Variants in ARRB1 observed in about 807,000 individuals in gnomAD.
The protein encoded by ARRB1 is arrestin beta 1.
In ARRB1, 21 loss-of-function variants were observed where a neutral mutation model predicts 56.8. The observed-to-expected ratio is 0.37, with a 90% CI of 0.26 to 0.53. ARRB1 has a LOEUF of 0.53. ARRB1 is among the 20% of genes least tolerant of loss of function. ARRB1 has a pLI of 0.88. For synonymous variants in ARRB1, 210 were observed against 218.6 expected (o/e 0.96, Z 0.35); for missense variants, 424 against 553.7 (o/e 0.77, Z 2.35).
intron 1 of ARRB1, among the ~76,000 whole-genome samples, chr11:75,298,463 T>C (rs1469004015): frequency 6.6e-6 from 1 of 152,188 alleles, no homozygotes; most frequent in East Asian, 1.9e-4. Context: ...TTCAGCATCA[T>C]CAGTCATCAG....
chr11:75,348,181 C>T (rs1947800689), intron 1 of ARRB1, among the ~76,000 whole-genome samples: 1 of 152,214 alleles, frequency 6.6e-6, no homozygotes. Flanking sequence ...CATCCCCAGC[C>T]CAGGCCCCAG....
chr11:75,274,175 G>T lies in ARRB1; in HGVS notation c.813C>A (p.Val271=). The T allele has an allele frequency of 6.2e-7, 1 of 1,614,212 alleles. No homozygotes were observed. Among genetic ancestry groups the T allele is most frequent in the Non-Finnish European group, 8.5e-7 (1 of 1,180,032 alleles). Residue 271 remains valine (V), a synonymous_variant, in exon 11 of 16, where the codon GTC becomes GTA. Transcript: ENST00000420843. ...TVAPSSTFCK[V]YTLTPFLANN... ...TGGCTAGGAAGGGGGTCAGTGTGTA[G>T]ACCTTGCAGAACGTCGAGCTGGGTG... is the stretch of plus-strand genomic sequence containing the variant.
At chr11:75,300,126 C>T (rs1227274540) in intron 1 of ARRB1, among the ~76,000 whole-genome samples, 1 of 149,356 alleles carries the variant, frequency 6.7e-6, no homozygotes, top group Admixed American at 6.8e-5. Flanking sequence ...AAACACTGAA[C>T]CCAGGAGGCG....
At position 75,261,849 on chromosome 11, in the gene ARRB1, T is replaced by TA. The variant is rs1025975728; in HGVS notation, c.*4313dup. 2.0e-5 allele frequency: 3 copies of TA among 152,202 alleles called. No individual in the cohort carries two copies. The highest frequency in any genetic ancestry group is 4.8e-5 in the African/African-American group (2 of 41,442). 9.4% of individuals were successfully genotyped at this position (152,202 alleles called of 1,614,324 possible). ...AGGAGTGTTTTGGTCCTTTTGAGTTTAAAAAATTATAGATATCAGAACAGG... is the reference window on the plus strand; with the variant it reads ...AGGAGTGTTTTGGTCCTTTTGAGTTTAAAAAAATTATAGATATCAGAACAGG... On this transcript the variant is annotated 3_prime_UTR_variant, in exon 16 of 16. Coordinates refer to ENST00000420843, the MANE Select transcript of ARRB1 (RefSeq NM_004041.5).
chr11:75,349,369 C>T (rs141764634), intron 1 of ARRB1, among the ~76,000 whole-genome samples: 6 of 152,324 alleles, frequency 3.9e-5, no homozygotes, highest in Admixed American at 6.5e-5. Context: ...AAAGTAAAGG[C>T]AATTGCCCAA....
chr11:75,268,396 T>A (rs750194872), intron 14 of ARRB1, among the ~76,000 whole-genome samples: 11 of 150,502 alleles, frequency 7.3e-5, no homozygotes, highest in Non-Finnish European at 1.5e-4. Flanking sequence ...TCTCAGCTAC[T>A]CGGGAGGCTG....
chr11:75,310,203 G>A (rs745795862), intron 1 of ARRB1, among the ~76,000 whole-genome samples: 1 of 152,180 alleles, frequency 6.6e-6, no homozygotes, highest in Admixed American at 6.5e-5. Context: ...TTTGGACATG[G>A]CATCTTACCT....
chr11:75,321,267 C>G (rs1327243194), intron 1 of ARRB1, among the ~76,000 whole-genome samples: 1 of 144,222 alleles, frequency 6.9e-6, no homozygotes, highest in Admixed American at 6.9e-5. Flanking sequence ...TCCTGCTCAC[C>G]CCCCCCCACC....
intron 10 of ARRB1, among the ~76,000 whole-genome samples, chr11:75,275,774 A>G (rs903117769): frequency 3.3e-5 from 5 of 151,980 alleles, no homozygotes; most frequent in Non-Finnish European, 7.4e-5. Flanking sequence ...GGCAGCAGCA[A>G]CCCCAGCCCC....
intron 11 of ARRB1, 25 bp from the exon 12 acceptor site, chr11:75,273,003 G>C (rs1379562619): frequency 1.2e-6 from 2 of 1,610,510 alleles, no homozygotes; most frequent in Non-Finnish European, 1.7e-6. Flanking sequence ...AGGGGAGCCA[G>C]TTCAGGGGCC....
chr11:75,342,105 G>A (rs1053917114), intron 1 of ARRB1, among the ~76,000 whole-genome samples: 1 of 152,200 alleles, frequency 6.6e-6, no homozygotes, highest in African/African-American at 2.4e-5. Context: ...GCAGCACAGG[G>A]ACAGTGAAGA....
intron 12 of ARRB1, 173 bp downstream of exon 12, chr11:75,272,722 C>CG: frequency 1.6e-6 from 1 of 606,484 alleles, no homozygotes; most frequent in African/African-American, 1.9e-5. Flanking sequence ...AGAGGGAAAG[C>CG]GGGCGGGGGA....
chr11:75,293,006 C>T (rs978701762), intron 1 of ARRB1, among the ~76,000 whole-genome samples: 11 of 151,912 alleles, frequency 7.2e-5, no homozygotes, highest in Non-Finnish European at 1.3e-4. Context: ...TTTCCTAAAC[C>T]GGGTGTTTTC....
At chr11:75,287,239 G>C (rs1946502204) in intron 3 of ARRB1, 76 bp downstream of exon 3, 1 of 1,465,686 alleles carries the variant, frequency 6.8e-7, no homozygotes, top group Non-Finnish European at 9.2e-7. Flanking sequence ...CCCCTCTGGA[G>C]AGCTGAGAGC....
At position 75,274,196 on chromosome 11, in the gene ARRB1, G is replaced by C; in HGVS notation, c.792C>G (p.Pro264=). Residue 264 remains proline (P), a synonymous_variant, in exon 11 of 16, where the codon CCC becomes CCG. Coordinates refer to ENST00000420843, the MANE Select transcript of ARRB1 (RefSeq NM_004041.5). ...TGTAGACCTTGCAGAACGTCGAGCT[G>C]GGTGCCACAGTGTCACTGGGAAGAA... The part of the protein sequence containing the change: ...AMEEADDTVA[P]SSTFCKVYTL... 1 of 1,614,070 alleles carries C rather than the reference G, an allele frequency of 6.2e-7. No homozygotes were observed. Among genetic ancestry groups the C allele is most frequent in the Non-Finnish European group, 8.5e-7 (1 of 1,179,972 alleles).
chr11:75,273,299 A>C (rs1946113190), intron 11 of ARRB1, among the ~76,000 whole-genome samples: 1 of 151,980 alleles, frequency 6.6e-6, no homozygotes, highest in South Asian at 2.1e-4. Flanking sequence ...TTCTCTCAGC[A>C]ACCCATGGGC....
At chr11:75,280,963 G>T in intron 7 of ARRB1, 112 bp downstream of exon 7, 1 of 1,278,262 alleles carries the variant, frequency 7.8e-7, no homozygotes, top group Non-Finnish European at 1.1e-6. Context: ...GCTGGAATGT[G>T]CGCCCCTCCT....
At chr11:75,296,736 G>A (rs1047586866) in intron 1 of ARRB1, among the ~76,000 whole-genome samples, 14 of 151,808 alleles carry the variant, frequency 9.2e-5, no homozygotes, top group East Asian at 5.8e-4. Flanking sequence ...GGAGTACAGC[G>A]GCACCAGCGA....
rs927373867 is a variant in ARRB1, at chr11:75,263,368, G to A, written c.*2795C>T. On this transcript the variant is annotated 3_prime_UTR_variant, in exon 16 of 16. Transcript: ENST00000420843. ...AAACACTTTGGCCTGTGTGTCCCTC[G>A]AGGCTGCAGCGTATGGCCGTGCAGC... Among the ~76,000 whole-genome samples, 19 of 152,200 alleles carry A rather than the reference G, an allele frequency of 1.2e-4. No homozygotes were observed. The highest frequency in any genetic ancestry group is 3.6e-4 in the African/African-American group (15 of 41,438).
Sources: gnomAD v4.1 joint callset for allele counts (sites outside exome capture counted in the v4.1 genomes callset) on GRCh38, gnomAD v4.1.1 for gene constraint, MANE v1.5 for transcripts, NCBI Gene and HGNC (gene_info 2026-07-23, HGNC 2026-07-21) for gene names.